Variants in NDST3 observed in about 807,000 individuals in gnomAD.
NDST3 encodes N-deacetylase and N-sulfotransferase 3.
In NDST3, 58 loss-of-function variants were observed where a neutral mutation model predicts 96.1. That is an observed-to-expected ratio of 0.60 (90% confidence interval 0.49 to 0.75). NDST3 has a LOEUF of 0.75. Ranked by LOEUF, NDST3 falls within the 30% of genes least tolerant of loss-of-function variation. The pLI is 0.00. For missense variants in NDST3, 788 were observed against 1,034.2 expected (o/e 0.76, Z 3.27); for synonymous variants, 333 against 359.7 (o/e 0.93, Z 0.84).
At chr4:118,060,289 A>G (rs1725791282) in intron 2 of NDST3, among the ~76,000 whole-genome samples, 1 of 152,010 alleles carries the variant, frequency 6.6e-6, no homozygotes, top group Non-Finnish European at 1.5e-5. Flanking sequence ...GTATTTTAAT[A>G]TGTTTTTTCA....
At chr4:118,234,422 AAAAG>A (rs1040155291) in intron 9 of NDST3, among the ~76,000 whole-genome samples, 1 of 152,110 alleles carries the variant, frequency 6.6e-6, no homozygotes, top group Non-Finnish European at 1.5e-5. Flanking sequence ...TCAAAAAAAG[AAAAG>A]AAAGAAACCA....
intron 2 of NDST3, among the ~76,000 whole-genome samples, chr4:118,078,939 T>TA (rs1727797096): frequency 6.6e-6 from 1 of 152,202 alleles, no homozygotes; most frequent in Admixed American, 6.5e-5. Flanking sequence ...CCTCAATATT[T>TA]ACACTATTTT....
chr4:118,255,502 G>A, intron 13 of NDST3, 91 bp from the exon 14 acceptor site: 1 of 1,283,718 alleles, frequency 7.8e-7, no homozygotes, highest in Non-Finnish European at 1.1e-6. Context: ...ATCCAGATCT[G>A]GTATACTTGG....
At chr4:118,185,109 T>A (rs1736858444) in intron 6 of NDST3, among the ~76,000 whole-genome samples, 1 of 152,224 alleles carries the variant, frequency 6.6e-6, no homozygotes, top group Non-Finnish European at 1.5e-5. Context: ...AGCTGTTTAA[T>A]AACATCAAAG....
Position 118,060,669 on chromosome 4 carries a change from T to A in NDST3, c.981+5778T>A, listed in dbSNP as rs916677854. Among the ~76,000 whole-genome samples the A allele has an allele frequency of 2.0e-5, 3 of 152,262 alleles. 1 individual carries two copies. In the South Asian group the frequency reaches 6.2e-4, roughly 32 times the overall value. ...TCTTCCTTTTTACCTTCATTTGAAT[T>A]GTCAGTTTCTTTCTTTTTTCTATCC... On this transcript the variant is annotated intron_variant, in intron 2 of 13. Transcript: ENST00000296499.
intron 2 of NDST3, among the ~76,000 whole-genome samples, chr4:118,084,316 A>AGATTTTTTT (rs1728249639): frequency 6.6e-6 from 1 of 152,180 alleles, no homozygotes; most frequent in Non-Finnish European, 1.5e-5. Flanking sequence ...GTATCCCATA[A>AGATTTTTTT]CATCATTTTG....
At chr4:118,161,534 G>A (rs556587221) in intron 6 of NDST3, among the ~76,000 whole-genome samples, 8 of 152,296 alleles carry the variant, frequency 5.3e-5, no homozygotes, top group African/African-American at 1.2e-4. Context: ...CCCAGTTCGA[G>A]TTTCCCAGAT....
At position 118,051,852 on chromosome 4, in the gene NDST3, C is replaced by T. The variant is rs142313636; in HGVS notation, c.-155-1904C>T. Among the ~76,000 whole-genome samples the T allele has an allele frequency of 3.4e-3, 510 of 152,080 alleles. 3 individuals carry two copies. The highest frequency in any genetic ancestry group is 0.011 in the African/African-American group (467 of 41,516). On this transcript the variant is annotated intron_variant, in intron 1 of 13. Transcript: ENST00000296499. Reference sequence around the variant, plus strand: ...ACAGTGAGATATCATCTACACCAGTCAGAATGGCAATTAGTAAGAAGTTAA... The same window carrying T: ...ACAGTGAGATATCATCTACACCAGTTAGAATGGCAATTAGTAAGAAGTTAA...
chr4:118,143,813 T>A, intron 6 of NDST3, 129 bp downstream of exon 6: 1 of 964,492 alleles, frequency 1.0e-6, no homozygotes, highest in Non-Finnish European at 1.5e-6. Context: ...GAAACAGTAG[T>A]AAAAACTAAA....
chr4:118,161,121 T>A (rs1350872901), intron 6 of NDST3, among the ~76,000 whole-genome samples: 1 of 152,222 alleles, frequency 6.6e-6, no homozygotes, highest in Non-Finnish European at 1.5e-5. Context: ...CTGTTGGAGT[T>A]TGCTAGAGGT....
chr4:118,135,090 A>T (rs535130443), intron 4 of NDST3, among the ~76,000 whole-genome samples: 1 of 152,318 alleles, frequency 6.6e-6, no homozygotes, highest in Non-Finnish European at 1.5e-5. Context: ...TTTCTATACA[A>T]TAACGTTTCA....
chr4:118,216,832 T>C (rs557738522), intron 6 of NDST3, among the ~76,000 whole-genome samples: 3 of 152,026 alleles, frequency 2.0e-5, no homozygotes, highest in African/African-American at 7.2e-5. Flanking sequence ...ATGAGTGGCA[T>C]TGAAAAAATA....
intron 6 of NDST3, among the ~76,000 whole-genome samples, chr4:118,172,987 T>C (rs988017246): frequency 6.6e-6 from 1 of 152,072 alleles, no homozygotes; most frequent in Non-Finnish European, 1.5e-5. Context: ...ACTGTATGGA[T>C]TGCAGACAAG....
chr4:118,183,713 C>A (rs115920388), intron 6 of NDST3, among the ~76,000 whole-genome samples: 18 of 152,314 alleles, frequency 1.2e-4, no homozygotes, highest in African/African-American at 3.8e-4. Context: ...GGATCTCACT[C>A]TGGAATTTAG....
chr4:118,044,488 C>T (rs1353227480), intron 1 of NDST3, among the ~76,000 whole-genome samples: 1 of 152,212 alleles, frequency 6.6e-6, no homozygotes, highest in African/African-American at 2.4e-5. Context: ...TACAATTCTC[C>T]CTCACCTATG....
At position 118,255,845 on chromosome 4, in the gene NDST3, G is replaced by A; in HGVS notation, c.*133G>A. 3.8e-6 allele frequency: 4 copies of A among 1,050,706 alleles called. No individual in the cohort carries two copies. The highest frequency in any genetic ancestry group is 1.6e-5 in the African/African-American group (1 of 61,852). The allele number at this position is 1,050,706 out of a possible 1,614,324, so 65.1% of individuals were successfully genotyped here. ...AAAAGAACAGTTTCTTCCATGTGCTGGCACGTGGATGATTAGAAAAAAAGA... is the reference window on the plus strand; with the variant it reads ...AAAAGAACAGTTTCTTCCATGTGCTAGCACGTGGATGATTAGAAAAAAAGA... On this transcript the variant is annotated 3_prime_UTR_variant, in exon 14 of 14. Transcript: ENST00000296499.
At chr4:118,161,754 G>A (rs1270129278) in intron 6 of NDST3, among the ~76,000 whole-genome samples, 2 of 152,172 alleles carry the variant, frequency 1.3e-5, no homozygotes, top group Non-Finnish European at 2.9e-5. Context: ...GGAGTGACCT[G>A]ATTTTCCAGG....
chr4:118,197,904 A>G (rs1055916371), intron 6 of NDST3, among the ~76,000 whole-genome samples: 3 of 150,934 alleles, frequency 2.0e-5, no homozygotes, highest in African/African-American at 7.3e-5. Context: ...GATTCAAGCA[A>G]TTCTCCTGCC....
Position 118,226,933 on chromosome 4 carries a change from A to C in NDST3, c.1770A>C (p.Lys590Asn), listed in dbSNP as rs1401884038. The change falls in exon 8 of 14, where the codon AAA (lysine) becomes AAC (asparagine). Residue 590 changes from lysine to asparagine, a missense_variant. This residue lies in a region of NDST3 where 490 missense variants were observed against 708.8 expected (regional missense o/e 0.69). Transcript: ENST00000296499. The stretch of plus-strand genomic sequence containing the variant: ...ACAGAGACATTTGGTCTAAAGAAAA[A>C]ACTTGTGATCGCTTACCAAAATTCT... The part of the protein sequence containing the change: ...KRHRDIWSKE[K>N]TCDRLPKFLV... 2 of 1,613,720 alleles carry C rather than the reference A, an allele frequency of 1.2e-6. No homozygotes were observed. Among genetic ancestry groups the C allele is most frequent in the South Asian group, 2.2e-5 (2 of 90,982 alleles).
Sources: allele counts gnomAD v4.1 joint callset (sites outside exome capture counted in the v4.1 genomes callset), GRCh38; gene constraint gnomAD v4.1.1; regional missense constraint gnomAD v4.1.1; transcripts MANE v1.5; gene names NCBI Gene and HGNC (gene_info 2026-07-23, HGNC 2026-07-21).